The following C8orf34 variants were observed in gnomAD, a reference collection of about 807,000 sequenced individuals.
The protein encoded by C8orf34 is chromosome 8 open reading frame 34.
In C8orf34, 65 loss-of-function variants were observed where a neutral mutation model predicts 68.3. The observed-to-expected ratio is 0.95, with a 90% CI of 0.78 to 1.17. The LOEUF is 1.17. C8orf34 is among the 50% of genes most tolerant of loss of function. C8orf34 has a pLI of 0.00. For missense variants in C8orf34, 664 were observed against 655.4 expected (o/e 1.01, Z -0.14); for synonymous variants, 244 against 241.2 (o/e 1.01, Z -0.11).
chr8:68,719,845 TAAG>T (rs1049826580), intron 9 of C8orf34, among the ~76,000 whole-genome samples: 8 of 152,026 alleles, frequency 5.3e-5, no homozygotes, highest in Admixed American at 2.6e-4. Context: ...ATTACTGAAA[TAAG>T]AACTTCAATA....
rs535964811 is a variant in C8orf34, at chr8:68,685,357, G to A, written c.1242-23637G>A. Among the ~76,000 whole-genome samples, 39 of 152,192 alleles carry A rather than the reference G, an allele frequency of 2.6e-4. No individual in the cohort carries two copies. In the East Asian group the frequency reaches 7.4e-3, roughly 29 times the overall value. On this transcript the variant is annotated intron_variant, in intron 8 of 13. Coordinates refer to ENST00000518698, the MANE Select transcript of C8orf34 (RefSeq NM_052958.4). ...ATAAGGTGAGGAGAAGGAGATAAAG[G>A]ATGTAGAAATTCACAGCCCAAATTA...
intron 11 of C8orf34, among the ~76,000 whole-genome samples, chr8:68,785,701 T>A (rs1480110900): frequency 6.6e-6 from 1 of 152,242 alleles, no homozygotes; most frequent in Non-Finnish European, 1.5e-5. Context: ...TTTTTTTCAT[T>A]TGCATACATT....
chr8:68,706,685 G>A (rs1037202871), intron 8 of C8orf34, among the ~76,000 whole-genome samples: 4 of 152,180 alleles, frequency 2.6e-5, no homozygotes, highest in African/African-American at 9.7e-5. Context: ...CTCCAAATGT[G>A]AGGAGGTCAA....
At chr8:68,543,180 AG>A (rs1423874273) in intron 7 of C8orf34, among the ~76,000 whole-genome samples, 1 of 152,134 alleles carries the variant, frequency 6.6e-6, no homozygotes, top group Non-Finnish European at 1.5e-5. Flanking sequence ...CTTCCTAATA[AG>A]CAAAAAAGTT....
rs1423002074 is a variant in C8orf34, at chr8:68,468,688, A to G, written c.608-4A>G. On this transcript the variant is annotated splice_region_variant and splice_polypyrimidine_tract_variant and intron_variant, in intron 3 of 13. Transcript: ENST00000518698. ...TATGAAATTACCATTTTTTTTAAAC[A>G]TAGTGCCAAGGTCAGTAGAGCATCC... 1.9e-6 allele frequency: 3 copies of G among 1,605,234 alleles called. No homozygotes were observed. The highest frequency in any genetic ancestry group is 1.1e-5 in the South Asian group (1 of 89,170).
chr8:68,437,656 T>C (rs1222938521), intron 1 of C8orf34, among the ~76,000 whole-genome samples: 1 of 152,156 alleles, frequency 6.6e-6, no homozygotes, highest in Non-Finnish European at 1.5e-5. Context: ...ATTATTATAA[T>C]TGAAATATTA....
At chr8:68,434,830 A>G (rs1810590417) in intron 1 of C8orf34, among the ~76,000 whole-genome samples, 1 of 152,072 alleles carries the variant, frequency 6.6e-6, no homozygotes, top group African/African-American at 2.4e-5. Flanking sequence ...GCGGATCACA[A>G]GGTCAGGAGT....
chr8:68,562,535 C>G (rs1816464420), intron 7 of C8orf34, among the ~76,000 whole-genome samples: 1 of 152,166 alleles, frequency 6.6e-6, no homozygotes, highest in African/African-American at 2.4e-5. Context: ...TTCCAACAAG[C>G]ACAGTTACTT....
chr8:68,400,998 T>C (rs1294390189), intron 1 of C8orf34, among the ~76,000 whole-genome samples: 1 of 152,176 alleles, frequency 6.6e-6, no homozygotes, highest in Non-Finnish European at 1.5e-5. Context: ...TTGATTCTTT[T>C]GGTCCATGAG....
At chr8:68,514,187 C>T (rs557521421) in intron 5 of C8orf34, among the ~76,000 whole-genome samples, 1 of 152,132 alleles carries the variant, frequency 6.6e-6, no homozygotes, top group African/African-American at 2.4e-5. Flanking sequence ...GGCCAGAGTC[C>T]CTGCTAGAGT....
chr8:68,805,364 T>G (rs1036580609), intron 12 of C8orf34, among the ~76,000 whole-genome samples: 4 of 152,190 alleles, frequency 2.6e-5, no homozygotes, highest in African/African-American at 9.7e-5. Flanking sequence ...AGGTGGCTGA[T>G]TGTGTTGTTC....
intron 7 of C8orf34, chr8:68,534,470 A>G (rs1241037939): frequency 8.2e-6 from 5 of 607,946 alleles, no homozygotes; most frequent in Non-Finnish European, 8.2e-6. Flanking sequence ...TGTTCAAGAT[A>G]CAATACGTCA....
At position 68,561,199 on chromosome 8, in the gene C8orf34, T is replaced by A. The variant is rs544594562; in HGVS notation, c.1105+28050T>A. On this transcript the variant is annotated intron_variant, in intron 7 of 13. Transcript: ENST00000518698. ...GGTTTCCCCATGTTTCCCAGACTGG[T>A]CTTGAACTCCTGGGATCAAGGAATC... 2.4e-3 allele frequency among the ~76,000 whole-genome samples: 368 copies of A among 152,042 alleles called. 2 individuals carry two copies. The highest frequency in any genetic ancestry group is 8.5e-3 in the African/African-American group (354 of 41,492).
chr8:68,744,813 C>G (rs142847407), intron 10 of C8orf34, among the ~76,000 whole-genome samples: 48,543 of 151,770 alleles, frequency 0.32, 8,078 homozygotes, highest in African/African-American at 0.41. Context: ...ACACTCTGCA[C>G]GATATTATCC....
chr8:68,764,282 T>C (rs1232760676), intron 10 of C8orf34, among the ~76,000 whole-genome samples: 1 of 152,222 alleles, frequency 6.6e-6, no homozygotes, highest in Admixed American at 6.5e-5. Context: ...GAATTCTAAA[T>C]TTGAAACCGG....
At chr8:68,379,631 C>T (rs1379896256) in intron 1 of C8orf34, among the ~76,000 whole-genome samples, 1 of 152,116 alleles carries the variant, frequency 6.6e-6, no homozygotes, top group Non-Finnish European at 1.5e-5. Context: ...CCTTTTGTTT[C>T]TCTTTGCAAT....
intron 1 of C8orf34, among the ~76,000 whole-genome samples, chr8:68,435,355 TAG>T (rs1810621963): frequency 6.6e-6 from 1 of 152,048 alleles, no homozygotes; most frequent in African/African-American, 2.4e-5. Context: ...GGGTTTATGA[TAG>T]AGAGTTAGAA....
chr8:68,690,239 A>G (rs1820646957), intron 8 of C8orf34, among the ~76,000 whole-genome samples: 1 of 151,958 alleles, frequency 6.6e-6, no homozygotes, highest in Non-Finnish European at 1.5e-5. Context: ...AGATAATACA[A>G]TGGACATTTG....
chr8:68,638,885 G>A (rs1585654906), intron 7 of C8orf34, among the ~76,000 whole-genome samples: 1 of 152,078 alleles, frequency 6.6e-6, no homozygotes, highest in African/African-American at 2.4e-5. Context: ...TTGGGTCACG[G>A]TTTTCAATGG....
Sources: allele counts gnomAD v4.1 joint callset (sites outside exome capture counted in the v4.1 genomes callset), GRCh38; gene constraint gnomAD v4.1.1; transcripts MANE v1.5; gene names NCBI Gene and HGNC (gene_info 2026-07-23, HGNC 2026-07-21).